TP53BP1: variants seen among roughly 807,000 people sequenced by gnomAD.
TP53BP1 encodes the protein TP53-binding protein 1.
Under a neutral mutation model 200.8 loss-of-function variants are expected in TP53BP1, and 61 were observed. That is an observed-to-expected ratio of 0.30 (90% confidence interval 0.25 to 0.38). TP53BP1 has a LOEUF of 0.38. TP53BP1 is among the 10% of genes least tolerant of loss of function. The pLI is 1.00. For synonymous variants in TP53BP1, 822 were observed against 844.3 expected, an observed-to-expected ratio of 0.97 and a Z score of 0.46; for missense variants, 2,144 against 2,371.9, an observed-to-expected ratio of 0.90 and a Z score of 2.00.
intron 3 of TP53BP1, 115 bp from the exon 4 acceptor site, chr15:43,491,868 A>G: frequency 9.2e-7 from 1 of 1,083,506 alleles, no homozygotes; most frequent in Admixed American, 1.7e-5. Flanking sequence ...TCAACTTTTG[A>G]GTGACTACTA....
intron 1 of TP53BP1, among the ~76,000 whole-genome samples, chr15:43,502,950 G>C (rs2467746): frequency 0.25 from 38,578 of 151,788 alleles, 8,107 homozygotes; most frequent in African/African-American, 0.58. Context: ...ACGGGGTTTT[G>C]CCGTGTTGGC....
chr15:43,436,706 C>T (rs961605906), intron 16 of TP53BP1, among the ~76,000 whole-genome samples: 1 of 151,234 alleles, frequency 6.6e-6, no homozygotes, highest in Non-Finnish European at 1.5e-5. Context: ...TCATCTCAAA[C>T]TCCTGGCCTC....
chr15:43,404,114 A>G lies in TP53BP1; in HGVS notation c.*3269T>C. ...AACTAACCCCCATCTCACTGAGATA[A>G]TTATCTGCTTGTAATCAAAACGGGT... On this transcript the variant is annotated 3_prime_UTR_variant, in exon 28 of 28. Coordinates refer to ENST00000382044, the MANE Select transcript of TP53BP1 (RefSeq NM_001141980.3). The G allele has an allele frequency of 2.0e-6, 1 of 508,812 alleles. No homozygotes were observed. Among genetic ancestry groups the G allele is most frequent in the East Asian group, 3.2e-5 (1 of 30,914 alleles). The allele number at this position is 508,812 out of a possible 1,614,324, so 31.5% of individuals were successfully genotyped here.
chr15:43,421,682 C>T, intron 19 of TP53BP1, 173 bp downstream of exon 19: 2 of 915,830 alleles, frequency 2.2e-6, no homozygotes, highest in Non-Finnish European at 3.2e-6. Context: ...GGGCTCCACC[C>T]TACTTCCCAC....
At chr15:43,485,916 A>C (rs1293036374) in intron 4 of TP53BP1, among the ~76,000 whole-genome samples, 1 of 152,244 alleles carries the variant, frequency 6.6e-6, no homozygotes, top group African/African-American at 2.4e-5. Flanking sequence ...GCATGAAATA[A>C]TTCAGATTAC....
intron 26 of TP53BP1, 165 bp from the exon 27 acceptor site, chr15:43,408,253 G>T: frequency 1.5e-6 from 1 of 680,042 alleles, no homozygotes; most frequent in Admixed American, 3.0e-5. Flanking sequence ...TGTCGTGGTT[G>T]GATCTCTTGG....
At chr15:43,412,402 C>G (rs973811632) in intron 24 of TP53BP1, among the ~76,000 whole-genome samples, 1 of 152,206 alleles carries the variant, frequency 6.6e-6, no homozygotes, top group African/African-American at 2.4e-5. Flanking sequence ...CAGACACATT[C>G]AGATACTGCT....
chr15:43,509,222 C>G (rs535566372), intron 1 of TP53BP1, among the ~76,000 whole-genome samples: 1 of 136,298 alleles, frequency 7.3e-6, no homozygotes, highest in African/African-American at 2.9e-5. Context: ...AGCGGAACAC[C>G]GTCTCATGTG....
At chr15:43,409,848 A>G in intron 24 of TP53BP1, 107 bp from the exon 25 acceptor site, 1 of 521,732 alleles carries the variant, frequency 1.9e-6, no homozygotes, top group Non-Finnish European at 3.3e-6. Flanking sequence ...GCTATCCACA[A>G]CAGTGTGTCC....
At chr15:43,467,374 A>G (rs2140084116) in intron 11 of TP53BP1, among the ~76,000 whole-genome samples, 1 of 152,234 alleles carries the variant, frequency 6.6e-6, no homozygotes, top group Admixed American at 6.5e-5. Context: ...TACTAAAGGT[A>G]TTCTTGAGAG....
rs2046164359 is a variant in TP53BP1 at position 43,451,339 on chromosome 15, C to A, written c.2717-3854G>T. 5.9e-5 allele frequency among the ~76,000 whole-genome samples: 9 copies of A among 152,134 alleles called. No individual in the cohort carries two copies. The South Asian group carries it at 1.9e-3, about 32-fold the overall frequency. Reference sequence around the variant, plus strand: ...CTCAATGTTATCCCTCCCCCGTCCCCCCACCCCACAACAGTCCCCAGAGTG... The same window carrying A: ...CTCAATGTTATCCCTCCCCCGTCCCACCACCCCACAACAGTCCCCAGAGTG... On this transcript the variant is annotated intron_variant, in intron 12 of 27. Transcript: ENST00000382044.
rs1020664897 is a variant in TP53BP1, at chr15:43,407,581, C to A, written c.5747-11G>T. The stretch of plus-strand genomic sequence containing the variant: ...CCCCTAAAGCAATATCTGCAAGGAG[C>A]AAGGGAAAGTGAAGAAGGAAAGGAC... On this transcript the variant is annotated splice_polypyrimidine_tract_variant and intron_variant, in intron 27 of 27. Transcript: ENST00000382044. 1 of 1,602,316 alleles carries A rather than the reference C, an allele frequency of 6.2e-7. No homozygotes were observed. The highest frequency in any genetic ancestry group is 1.7e-5 in the Admixed American group (1 of 58,378).
intron 11 of TP53BP1, among the ~76,000 whole-genome samples, chr15:43,465,637 C>T (rs906347074): frequency 6.6e-5 from 10 of 151,830 alleles, no homozygotes; most frequent in African/African-American, 2.4e-4. Flanking sequence ...ATTGAGAGGG[C>T]CTGCCAAGTA....
At chr15:43,499,848 A>C (rs1306600804) in intron 1 of TP53BP1, among the ~76,000 whole-genome samples, 3 of 152,240 alleles carry the variant, frequency 2.0e-5, no homozygotes, top group Admixed American at 6.5e-5. Context: ...TCTAGTTTCT[A>C]GCTTCAAAGA....
intron 4 of TP53BP1, among the ~76,000 whole-genome samples, chr15:43,490,347 C>T (rs1327392350): frequency 4.6e-5 from 7 of 151,328 alleles, no homozygotes; most frequent in South Asian, 2.1e-4. Context: ...CTCAGCCTCC[C>T]GAAGTGCTGG....
intron 11 of TP53BP1, among the ~76,000 whole-genome samples, chr15:43,462,632 A>C (rs1191345118): frequency 6.6e-6 from 1 of 152,168 alleles, no homozygotes; most frequent in African/African-American, 2.4e-5. Context: ...TCTGCAAGAC[A>C]TATGTATTTT....
intron 11 of TP53BP1, among the ~76,000 whole-genome samples, chr15:43,459,981 A>C (rs1270631656): frequency 1.3e-5 from 2 of 152,222 alleles, no homozygotes; most frequent in Admixed American, 1.3e-4. Flanking sequence ...GATCAACCAC[A>C]AAAGGTTATA....
At chr15:43,420,858 A>G in intron 20 of TP53BP1, 123 bp from the exon 21 acceptor site, 1 of 1,282,826 alleles carries the variant, frequency 7.8e-7, no homozygotes, top group Non-Finnish European at 1.1e-6. Flanking sequence ...ACCCCATCAC[A>G]GGCATGAGCC....
rs1186894716 is a variant in TP53BP1 at position 43,477,660 on chromosome 15, A to C, written c.888T>G (p.Ile296Met). Residue 296 changes from isoleucine to methionine, a missense_variant, in exon 8 of 28, where the codon ATT (isoleucine) becomes ATG (methionine). By Grantham distance (10) the Ile-to-Met change is conservative (BLOSUM62 1). Coordinates refer to ENST00000382044, the MANE Select transcript of TP53BP1 (RefSeq NM_001141980.3). ...AQELMESGLQ[I>M]QKSPEPEVLS... ...AAACCTCAGGCTCTGGTGACTTCTG[A>C]ATCTGCAGTCCACTTTCCATAAGTT... The C allele has an allele frequency of 6.2e-7, 1 of 1,613,934 alleles. No individual in the cohort carries two copies.
Sources: gnomAD v4.1 joint callset for allele counts (sites outside exome capture counted in the v4.1 genomes callset) on GRCh38, gnomAD v4.1.1 for gene constraint, MANE v1.5 for transcripts, NCBI Gene and HGNC (gene_info 2026-07-23, HGNC 2026-07-21) for gene names.